PTGFRN: variants seen among roughly 807,000 people sequenced by gnomAD.
PTGFRN encodes prostaglandin F2 receptor inhibitor.
PTGFRN carries 35 observed loss-of-function variants against 83.2 expected under a neutral mutation model. The ratio of observed to expected loss-of-function variants is 0.42; its 90% confidence interval spans 0.32 to 0.56. PTGFRN has a LOEUF of 0.56. PTGFRN is among the 20% of genes least tolerant of loss of function. The pLI, the probability that PTGFRN is intolerant of heterozygous loss-of-function variation, is 0.11. For missense variants in PTGFRN, 1,051 were observed against 1,179.5 expected, an observed-to-expected ratio of 0.89 and a Z score of 1.60; for synonymous variants, 519 against 498.6, an observed-to-expected ratio of 1.04 and a Z score of -0.55.
At chr1:116,942,856 T>C (rs149344346) in intron 2 of PTGFRN, among the ~76,000 whole-genome samples, 30 of 152,238 alleles carry the variant, frequency 2.0e-4, no homozygotes, top group African/African-American at 6.8e-4. Context: ...CCAATCAAAA[T>C]AGGGCAGAAT....
Position 116,986,937 on chromosome 1 carries a change from C to T in PTGFRN, c.2610C>T (p.Arg870=). ...KKEVQETRRE[R]RRLMSMEMD is the part of the protein sequence containing the mutation. ...AGGTTCAGGAGACACGGCGCGAGCG[C>T]CGCAGGCTCATGTCGATGGAGATGG... The change falls in exon 9 of 9, where the codon CGC becomes CGT. Residue 870 remains arginine, a synonymous_variant. Transcript: ENST00000393203. 1.9e-6 allele frequency: 3 copies of T among 1,614,238 alleles called. No individual in the cohort carries two copies. Among genetic ancestry groups the T allele is most frequent in the Non-Finnish European group, 2.5e-6 (3 of 1,180,036 alleles).
At chr1:116,975,648 C>G (rs1317254192) in intron 7 of PTGFRN, among the ~76,000 whole-genome samples, 1 of 152,232 alleles carries the variant, frequency 6.6e-6, no homozygotes, top group Non-Finnish European at 1.5e-5. Context: ...TCCAACAGAC[C>G]TGCAGCTGAG....
At position 116,961,304 on chromosome 1, in the gene PTGFRN, A is replaced by G; in HGVS notation, c.1275A>G (p.Thr425=). 1 of 1,553,316 alleles carries G rather than the reference A, an allele frequency of 6.4e-7. No individual in the cohort carries two copies. ...SKVPGFADDP[T]ELACRVVDTK... is the part of the protein sequence containing the mutation. Reference sequence around the variant, plus strand: ...TCCCCGGGTTTGCGGATGACCCCACAGAGCTGGCATGCCGGGTGGTGGACA... The same window carrying G: ...TCCCCGGGTTTGCGGATGACCCCACGGAGCTGGCATGCCGGGTGGTGGACA... The change falls in exon 5 of 9, where the codon ACA becomes ACG. Residue 425 remains threonine (T), a synonymous_variant. Coordinates refer to ENST00000393203, the MANE Select transcript of PTGFRN (RefSeq NM_020440.4). This position sits in a 1 kb window ranked among gnomAD's most constrained non-coding sequence, Gnocchi z 5.4.
At chr1:116,940,218 G>C (rs1476321689) in intron 1 of PTGFRN, among the ~76,000 whole-genome samples, 1 of 152,254 alleles carries the variant, frequency 6.6e-6, no homozygotes, top group Non-Finnish European at 1.5e-5. Flanking sequence ...AGAAGTCTAA[G>C]ATCAAGGTGT....
chr1:116,966,810 T>C, intron 5 of PTGFRN, 101 bp from the exon 6 acceptor site: 1 of 1,304,288 alleles, frequency 7.7e-7, no homozygotes, highest in East Asian at 2.4e-5. Flanking sequence ...TGTGTGGCAA[T>C]TTGCAAATAC....
Position 116,984,945 on chromosome 1 carries a change from G to T in PTGFRN, c.2433G>T (p.Glu811Asp), listed in dbSNP as rs532894768. 1.2e-6 allele frequency: 2 copies of T among 1,614,202 alleles called. No homozygotes were observed. The highest frequency in any genetic ancestry group is 4.5e-5 in the East Asian group (2 of 44,876). ...CAGGTTCCTGGCAGAAGGAGGCAGAGATCCACTCCAAGCCCGTTTTTATAA... is the reference window on the plus strand; with the variant it reads ...CAGGTTCCTGGCAGAAGGAGGCAGATATCCACTCCAAGCCCGTTTTTATAA... ...SPTGSWQKEA[E>D]IHSKPVFITV... Residue 811 changes from glutamate (E) to aspartate (D), a missense_variant, in exon 8 of 9, where the codon GAG becomes GAT. This residue lies in a region of PTGFRN where 719 missense variants were observed against 836.6 expected (regional missense o/e 0.86). Coordinates refer to ENST00000393203, the MANE Select transcript of PTGFRN (RefSeq NM_020440.4).
intron 1 of PTGFRN, among the ~76,000 whole-genome samples, chr1:116,924,535 C>T (rs1472036429): frequency 6.6e-6 from 1 of 152,014 alleles, no homozygotes; most frequent in East Asian, 1.9e-4. Context: ...TTTACTAGCC[C>T]CAAAGAAGAG....
intron 1 of PTGFRN, among the ~76,000 whole-genome samples, chr1:116,936,460 C>T (rs1309618131): frequency 6.6e-6 from 1 of 152,112 alleles, no homozygotes; most frequent in Non-Finnish European, 1.5e-5. Context: ...TATCATATAG[C>T]CAATGTTGAA....
chr1:116,919,764 TC>T (rs1404060393), intron 1 of PTGFRN, among the ~76,000 whole-genome samples: 3 of 152,236 alleles, frequency 2.0e-5, no homozygotes, highest in African/African-American at 4.8e-5. Flanking sequence ...TCCATGTTAG[TC>T]AAAATATATC....
In PTGFRN at chr1:116,958,594, A is replaced by G. The variant is rs758767430; in HGVS notation, c.1214-2649A>G. Among the ~76,000 whole-genome samples the G allele has an allele frequency of 3.1e-4, 47 of 152,134 alleles. No homozygotes were observed. Among genetic ancestry groups the G allele is most frequent in the African/African-American group, 1.1e-3 (47 of 41,442 alleles). ...TATGAATATGTGTGTACCTGCATAC[A>G]CACACACACCAGGCACCAGTCTAGG... On this transcript the variant is annotated intron_variant, in intron 4 of 8. Transcript: ENST00000393203. This position sits in a 1 kb window ranked among gnomAD's most constrained non-coding sequence, Gnocchi z 4.9.
In PTGFRN at chr1:116,986,832, C is replaced by T. The variant is rs765377157; in HGVS notation, c.2505C>T (p.Ile835=). Residue 835 remains isoleucine, a synonymous_variant, in exon 9 of 9, where the codon ATC becomes ATT. Transcript: ENST00000393203. ...VLNAFKYPLL[I]GVGLSTVIGL... is the part of the protein sequence containing the mutation. ...ACGCCTTCAAGTATCCCTTGCTGATCGGCGTCGGTCTGTCCACGGTCATCG... is the reference window on the plus strand; with the variant it reads ...ACGCCTTCAAGTATCCCTTGCTGATTGGCGTCGGTCTGTCCACGGTCATCG... 5.6e-6 allele frequency: 9 copies of T among 1,614,114 alleles called. No individual in the cohort carries two copies. In the East Asian group the frequency reaches 6.7e-5, roughly 12 times the overall value.
chr1:116,937,129 G>A (rs1649941524), intron 1 of PTGFRN, among the ~76,000 whole-genome samples: 1 of 152,156 alleles, frequency 6.6e-6, no homozygotes, highest in African/African-American at 2.4e-5. Context: ...AGTGTCCTGG[G>A]TTGAGGAAAT....
rs1468975387 is a variant in PTGFRN at position 116,909,974 on chromosome 1, C to G, written c.-230C>G. On this transcript the variant is annotated 5_prime_UTR_variant, in exon 1 of 9. Transcript: ENST00000393203. ...CACTCGGATCGGCGGGGCCGGCTCC[C>G]GGGCCCGGCCGGCTGGAGGAGGGAG... 2 of 579,006 alleles carry G rather than the reference C, an allele frequency of 3.5e-6. No individual in the cohort carries two copies. Among genetic ancestry groups the G allele is most frequent in the Non-Finnish European group, 3.0e-6 (1 of 328,236 alleles). The allele number at this position is 579,006 out of a possible 1,614,324, so 35.9% of individuals were successfully genotyped here. A position where few individuals can be genotyped will look rare whatever the true frequency, so the allele number is the denominator to read the frequency against.
intron 1 of PTGFRN, among the ~76,000 whole-genome samples, chr1:116,916,004 A>G (rs1649395848): frequency 6.6e-6 from 1 of 152,222 alleles, no homozygotes; most frequent in South Asian, 2.1e-4. Flanking sequence ...TTTGGGAAGC[A>G]ACAGAATTAG....
chr1:116,968,182 G>C (rs10801917), intron 6 of PTGFRN, among the ~76,000 whole-genome samples: 2 of 151,902 alleles, frequency 1.3e-5, no homozygotes, highest in South Asian at 2.1e-4. Context: ...TTAATACTAA[G>C]TGTTTTCACT....
intron 4 of PTGFRN, among the ~76,000 whole-genome samples, chr1:116,950,167 G>A (rs910304408): frequency 1.4e-4 from 22 of 152,278 alleles, no homozygotes; most frequent in African/African-American, 5.1e-4. Flanking sequence ...TGAGCACCTT[G>A]CCACCCATTT....
chr1:116,928,562 A>G (rs1214312155), intron 1 of PTGFRN, among the ~76,000 whole-genome samples: 1 of 152,138 alleles, frequency 6.6e-6, no homozygotes, highest in African/African-American at 2.4e-5. Context: ...CCTGAACTTT[A>G]TTATCTTGCT....
chr1:116,914,042 A>G (rs892608870), intron 1 of PTGFRN, among the ~76,000 whole-genome samples: 4 of 152,272 alleles, frequency 2.6e-5, no homozygotes, highest in African/African-American at 7.2e-5. Context: ...AACTCAAAGC[A>G]TAGTGGTTCA....
intron 1 of PTGFRN, among the ~76,000 whole-genome samples, chr1:116,928,095 T>C (rs1170174210): frequency 6.6e-6 from 1 of 152,240 alleles, no homozygotes; most frequent in African/African-American, 2.4e-5. Context: ...TTGGTCACAC[T>C]GCCCCTTCCT....
Sources: allele counts gnomAD v4.1 joint callset (sites outside exome capture counted in the v4.1 genomes callset), GRCh38; gene constraint gnomAD v4.1.1; regional missense constraint gnomAD v4.1.1; non-coding constraint Gnocchi (gnomAD v3.1); transcripts MANE v1.5; gene names NCBI Gene and HGNC (gene_info 2026-07-23, HGNC 2026-07-21).